The following ARFGEF1 variants were observed in gnomAD, a reference collection of about 807,000 sequenced individuals.
The protein encoded by ARFGEF1 is ARF guanine nucleotide exchange factor 1.
A neutral mutation model predicts 231.0 loss-of-function variants in ARFGEF1; 42 were observed. The observed-to-expected ratio is 0.18, with a 90% CI of 0.14 to 0.24. The LOEUF is 0.24. Among genes scored for constraint, ARFGEF1 ranks in the 10% least tolerant of loss-of-function variants. The pLI is 1.00. For synonymous variants in ARFGEF1, 710 were observed against 732.3 expected (o/e 0.97, Z 0.49); for missense variants, 1,345 against 2,192.0 (o/e 0.61, Z 7.72).
At chr8:67,209,694 T>TA (rs906389146) in intron 34 of ARFGEF1, among the ~76,000 whole-genome samples, 28 of 152,170 alleles carry the variant, frequency 1.8e-4, no homozygotes, top group African/African-American at 6.3e-4. Flanking sequence ...ATTGATCCAG[T>TA]AAAAAAGTAA....
At position 67,244,174 on chromosome 8, in the gene ARFGEF1, C is replaced by T. The variant is rs187521167; in HGVS notation, c.2851-3884G>A. 4.1e-3 allele frequency among the ~76,000 whole-genome samples: 518 copies of T among 126,392 alleles called. 8 individuals carry two copies. The highest frequency in any genetic ancestry group is 0.014 in the African/African-American group (488 of 34,302). The allele number at this position is 126,392 out of a possible 152,430, so 82.9% of individuals were successfully genotyped here. ...GAGAGAATTGCTTGAACCTGGGAGG[C>T]GGAGGTTGCAATGAGCCGGGATCAT... On this transcript the variant is annotated intron_variant, in intron 19 of 38. Transcript: ENST00000262215.
At chr8:67,222,623 G>T (rs1172345431) in intron 29 of ARFGEF1, among the ~76,000 whole-genome samples, 1 of 152,004 alleles carries the variant, frequency 6.6e-6, no homozygotes, top group East Asian at 1.9e-4. Flanking sequence ...GCTAATTTTT[G>T]TATTTTTAGT....
chr8:67,300,469 T>G (rs533832213), intron 3 of ARFGEF1, among the ~76,000 whole-genome samples: 6 of 152,116 alleles, frequency 3.9e-5, no homozygotes, highest in Non-Finnish European at 8.8e-5. Context: ...CGCTAAAGTA[T>G]AGCAGTTAAA....
At chr8:67,178,302 A>G (rs915902905) in intron 5 of ARFGEF1, among the ~76,000 whole-genome samples, 7 of 152,150 alleles carry the variant, frequency 4.6e-5, no homozygotes, top group African/African-American at 9.6e-5. Flanking sequence ...ACAGAGAATG[A>G]TAACACCCAC....
chr8:67,197,179 C>G (rs979760142), downstream of ARFGEF1, among the ~76,000 whole-genome samples: 2 of 152,100 alleles, frequency 1.3e-5, no homozygotes, highest in African/African-American at 4.8e-5. Context: ...GATATGGTGG[C>G]TCATGCCTAT....
At chr8:67,319,801 T>C (rs902140436) in intron 1 of ARFGEF1, among the ~76,000 whole-genome samples, 5 of 152,198 alleles carry the variant, frequency 3.3e-5, no homozygotes, top group Admixed American at 3.3e-4. Context: ...TGGCAAAGAC[T>C]TGTATCTAGA....
intron 1 of ARFGEF1, among the ~76,000 whole-genome samples, chr8:67,326,153 G>C (rs1807822385): frequency 6.6e-6 from 1 of 152,140 alleles, no homozygotes; most frequent in Non-Finnish European, 1.5e-5. Context: ...AGCTGAGATT[G>C]TGCCACTGCA....
chr8:67,337,000 C>T (rs1013029004), intron 1 of ARFGEF1, among the ~76,000 whole-genome samples: 5 of 151,922 alleles, frequency 3.3e-5, no homozygotes, highest in Admixed American at 3.3e-4. Flanking sequence ...GGCGCGGTAG[C>T]GCTACACGAG....
chr8:67,206,097 C>A (rs954332265), intron 34 of ARFGEF1, among the ~76,000 whole-genome samples: 1 of 151,880 alleles, frequency 6.6e-6, no homozygotes, highest in Admixed American at 6.6e-5. Flanking sequence ...AGACATCCAT[C>A]AGCAAAGAAG....
At chr8:67,234,437 T>C (rs1464283391) in intron 22 of ARFGEF1, among the ~76,000 whole-genome samples, 2 of 152,106 alleles carry the variant, frequency 1.3e-5, no homozygotes, top group African/African-American at 4.8e-5. Flanking sequence ...TAATTCAACC[T>C]GGACCTAGAA....
intron 29 of ARFGEF1, among the ~76,000 whole-genome samples, chr8:67,222,704 G>C (rs1311565431): frequency 1.3e-5 from 2 of 152,096 alleles, no homozygotes; most frequent in Non-Finnish European, 2.9e-5. Flanking sequence ...GCCCACCTGG[G>C]CCTCCCAAAG....
intron 1 of ARFGEF1, among the ~76,000 whole-genome samples, chr8:67,322,637 C>T (rs757597816): frequency 6.6e-6 from 1 of 152,082 alleles, no homozygotes; most frequent in African/African-American, 2.4e-5. Flanking sequence ...CCCAGGAGTT[C>T]GAGGATGCTG....
chr8:67,331,452 T>C (rs1284249198), intron 1 of ARFGEF1, among the ~76,000 whole-genome samples: 1 of 152,176 alleles, frequency 6.6e-6, no homozygotes, highest in Admixed American at 6.5e-5. Flanking sequence ...AACTAGAAGG[T>C]GCTGTCTATA....
At chr8:67,213,542 C>T (rs536644459) in intron 33 of ARFGEF1, among the ~76,000 whole-genome samples, 2 of 152,230 alleles carry the variant, frequency 1.3e-5, no homozygotes, top group South Asian at 4.2e-4. Flanking sequence ...GTCAATTTGG[C>T]TAGGACACAA....
At position 67,186,171 on chromosome 8, in the gene ARFGEF1, G is replaced by A. The variant is rs144848048; in HGVS notation, c.561-10599C>T. On this transcript the variant is annotated intron_variant, in intron 5 of 5. Transcript: ENST00000518789. ...TTCATTTCTGTAACAGTTGATATCTGGCTGTCCTTTTTATAATGCAGAGTG... is the reference window on the plus strand; with the variant it reads ...TTCATTTCTGTAACAGTTGATATCTAGCTGTCCTTTTTATAATGCAGAGTG... 2.6e-4 allele frequency among the ~76,000 whole-genome samples: 39 copies of A among 152,210 alleles called. No individual in the cohort carries two copies. The East Asian group carries it at 7.1e-3, about 28-fold the overall frequency.
At chr8:67,203,690 T>TGGAAAAAA in intron 35 of ARFGEF1, among the ~76,000 whole-genome samples, 1 of 152,270 alleles carries the variant, frequency 6.6e-6, no homozygotes, top group Non-Finnish European at 1.5e-5. Flanking sequence ...GACCTTGGCC[T>TGGAAAAAA]AGGCCACACT....
intron 22 of ARFGEF1, among the ~76,000 whole-genome samples, chr8:67,235,710 T>TA (rs1288072720): frequency 1.3e-5 from 2 of 151,488 alleles, no homozygotes; most frequent in African/African-American, 2.4e-5. Flanking sequence ...AACTTTAATT[T>TA]AAAAAAAAGT....
chr8:67,224,435 T>C (rs189542441), intron 29 of ARFGEF1, among the ~76,000 whole-genome samples: 63 of 152,326 alleles, frequency 4.1e-4, no homozygotes, highest in Non-Finnish European at 8.5e-4. Flanking sequence ...AATATACTTT[T>C]GAAAGAGTTC....
In ARFGEF1 at chr8:67,198,899, G is replaced by C; in HGVS notation, c.*35C>G. On this transcript the variant is annotated 3_prime_UTR_variant, in exon 39 of 39. Transcript: ENST00000262215. The stretch of plus-strand genomic sequence containing the variant: ...CTCCAGCGTCCTTTTAAAGAGCAGA[G>C]GGATGTAAATGCCAACAAAAATATT... The C allele has an allele frequency of 6.2e-7, 1 of 1,608,690 alleles. No homozygotes were observed. Among genetic ancestry groups the C allele is most frequent in the Non-Finnish European group, 8.5e-7 (1 of 1,178,454 alleles).
Sources: gnomAD v4.1 joint callset for allele counts (sites outside exome capture counted in the v4.1 genomes callset) on GRCh38, gnomAD v4.1.1 for gene constraint, MANE v1.5 for transcripts, NCBI Gene and HGNC (gene_info 2026-07-23, HGNC 2026-07-21) for gene names.